COLQ: variants seen among roughly 807,000 people sequenced by gnomAD.
The protein encoded by COLQ is collagen like tail subunit of asymmetric acetylcholinesterase.
A neutral mutation model predicts 69.0 loss-of-function variants in COLQ; 48 were observed. The ratio of observed to expected loss-of-function variants is 0.70; its 90% CI spans 0.55 to 0.88. The LOEUF is 0.88. Ranked by LOEUF, COLQ falls within the 40% of genes least tolerant of loss-of-function variation. The pLI is 0.00. For synonymous variants in COLQ, 217 were observed against 211.2 expected (o/e 1.03, Z -0.24); for missense variants, 618 against 594.6 (o/e 1.04, Z -0.41).
rs528079054 is a variant in COLQ at position 15,464,951 on chromosome 3, G to A, written c.814+1390C>T. On this transcript the variant is annotated intron_variant, in intron 12 of 16. Transcript: ENST00000383788. The stretch of plus-strand genomic sequence containing the variant: ...AGCACTTTGGGAGGCCGAGGTGGGC[G>A]GATCACGAGGTCCGGAGTTCCAGAC... Among the ~76,000 whole-genome samples, 142 of 152,268 alleles carry A rather than the reference G, an allele frequency of 9.3e-4. 1 individual carries two copies. Among genetic ancestry groups the A allele is most frequent in the African/African-American group, 3.2e-3 (132 of 41,558 alleles).
Position 15,455,889 on chromosome 3 carries a change from C to T in COLQ, c.1195+10G>A, listed in dbSNP as rs2062017438. On this transcript the variant is annotated intron_variant, in intron 15 of 16. Coordinates refer to ENST00000383788, the MANE Select transcript of COLQ (RefSeq NM_005677.4). ...AGGCCTCAGGTCCTCCTGGTCTGGG[C>T]CTCACTCACGGATGCAGTCGTCACC... 2 of 1,613,858 alleles carry T rather than the reference C, an allele frequency of 1.2e-6. No homozygotes were observed. The highest frequency in any genetic ancestry group is 1.7e-5 in the Admixed American group (1 of 59,998).
At chr3:15,472,843 C>T (rs1409529251) in intron 10 of COLQ, among the ~76,000 whole-genome samples, 1 of 151,684 alleles carries the variant, frequency 6.6e-6, no homozygotes, top group African/African-American at 2.4e-5. Context: ...TCTTTCTTCA[C>T]TTCTTTCTTC....
In COLQ at chr3:15,510,414, G is replaced by T. The variant is rs567253262; in HGVS notation, c.106+11106C>A. Among the ~76,000 whole-genome samples the T allele has an allele frequency of 2.6e-5, 4 of 151,844 alleles. No individual in the cohort carries two copies. In the East Asian group the frequency reaches 7.9e-4, roughly 30 times the overall value. On this transcript the variant is annotated intron_variant, in intron 1 of 16. Coordinates refer to ENST00000383788, the MANE Select transcript of COLQ (RefSeq NM_005677.4). ...ACAGATGTGGAAACTGAAATATTAAGAAATTAAACCGTGGCTGAGCATAGT... is the reference window on the plus strand; with the variant it reads ...ACAGATGTGGAAACTGAAATATTAATAAATTAAACCGTGGCTGAGCATAGT...
At chr3:15,498,631 G>A (rs988007019) in intron 1 of COLQ, 33 of 1,551,332 alleles carry the variant, frequency 2.1e-5, no homozygotes, top group Non-Finnish European at 2.5e-5. Flanking sequence ...AACACTAGCC[G>A]GAGACAGGCT....
At chr3:15,460,229 C>A (rs1382104177) in intron 12 of COLQ, among the ~76,000 whole-genome samples, 1 of 152,154 alleles carries the variant, frequency 6.6e-6, no homozygotes, top group Non-Finnish European at 1.5e-5. Context: ...AGGGCTTACA[C>A]AAAGTAGGGG....
intron 1 of COLQ, among the ~76,000 whole-genome samples, chr3:15,513,763 G>A (rs2124493): frequency 0.13 from 19,844 of 152,168 alleles, 1,419 homozygotes; most frequent in East Asian, 0.18. Context: ...CAAAACACTC[G>A]TGGGTCTGTT....
chr3:15,492,108 A>G (rs935034251), intron 1 of COLQ, among the ~76,000 whole-genome samples: 1 of 152,186 alleles, frequency 6.6e-6, no homozygotes, highest in Non-Finnish European at 1.5e-5. Flanking sequence ...CATTTTGATT[A>G]TAAGTGGTCA....
intron 1 of COLQ, among the ~76,000 whole-genome samples, chr3:15,512,298 T>C (rs1016155802): frequency 1.3e-5 from 2 of 152,120 alleles, no homozygotes; most frequent in Non-Finnish European, 2.9e-5. Flanking sequence ...GTGCAAAGCC[T>C]GTAGCAGCCA....
intron 1 of COLQ, among the ~76,000 whole-genome samples, chr3:15,506,005 G>T (rs2062906474): frequency 6.6e-6 from 1 of 152,206 alleles, no homozygotes; most frequent in African/African-American, 2.4e-5. Context: ...GAGGGAGGCT[G>T]GGTTCCTGGG....
At chr3:15,513,495 A>C (rs2063016059) in intron 1 of COLQ, among the ~76,000 whole-genome samples, 1 of 152,108 alleles carries the variant, frequency 6.6e-6, no homozygotes. Flanking sequence ...TTGATGGATA[A>C]ATATCCCAGT....
chr3:15,456,352 A>T, intron 14 of COLQ, 108 bp downstream of exon 14: 3 of 1,463,870 alleles, frequency 2.0e-6, no homozygotes, highest in Non-Finnish European at 2.8e-6. Flanking sequence ...ATGCAGACAG[A>T]CTGTAGAAAG....
At chr3:15,498,625 C>T in intron 1 of COLQ, 2 of 1,551,550 alleles carry the variant, frequency 1.3e-6, no homozygotes, top group Non-Finnish European at 1.7e-6. Context: ...CCAGGGAACA[C>T]TAGCCGGAGA....
intron 3 of COLQ, among the ~76,000 whole-genome samples, chr3:15,479,802 CAAGTT>C (rs2062447405): frequency 6.6e-6 from 1 of 152,300 alleles, no homozygotes; most frequent in South Asian, 2.1e-4. Context: ...TGACAAGAGA[CAAGTT>C]AAGTTTTGCA....
At chr3:15,499,016 G>A in intron 1 of COLQ, 1 of 998,350 alleles carries the variant, frequency 1.0e-6, no homozygotes, top group Non-Finnish European at 1.2e-6. Flanking sequence ...AAGCCTCAAA[G>A]TCAACCCCCC....
At position 15,450,326 on chromosome 3, in the gene COLQ, C is replaced by T. The variant is rs1381830676; in HGVS notation, c.*1318G>A. 6.5e-6 allele frequency: 1 copy of T among 153,786 alleles called. No individual in the cohort carries two copies. Among genetic ancestry groups the T allele is most frequent in the African/African-American group, 2.4e-5 (1 of 41,426 alleles). The allele number at this position is 153,786 out of a possible 1,614,324, so 9.5% of individuals were successfully genotyped here. On this transcript the variant is annotated 3_prime_UTR_variant, in exon 17 of 17. Coordinates refer to ENST00000383788, the MANE Select transcript of COLQ (RefSeq NM_005677.4). ...GTGGGAGACCGGGTCCACCTACAGA[C>T]ACCAGGTGATGGTCCACCAGGCCCC...
chr3:15,515,325 C>T (rs921346848), intron 1 of COLQ, among the ~76,000 whole-genome samples: 7 of 152,174 alleles, frequency 4.6e-5, no homozygotes, highest in Non-Finnish European at 1.0e-4. Flanking sequence ...ATGAAATGAG[C>T]TCTTCACCAT....
intron 1 of COLQ, among the ~76,000 whole-genome samples, chr3:15,511,287 C>T (rs1182995418): frequency 6.6e-6 from 1 of 152,186 alleles, no homozygotes; most frequent in Non-Finnish European, 1.5e-5. Flanking sequence ...GGCAAATGGC[C>T]AACCCCCTGC....
intron 1 of COLQ, among the ~76,000 whole-genome samples, chr3:15,499,325 G>A (rs1280038268): frequency 6.6e-6 from 1 of 152,176 alleles, no homozygotes; most frequent in East Asian, 1.9e-4. Context: ...TAAAAGACAA[G>A]ATTATTATTA....
intron 1 of COLQ, among the ~76,000 whole-genome samples, chr3:15,518,570 A>G (rs1381718078): frequency 9.2e-5 from 14 of 152,348 alleles, no homozygotes; most frequent in African/African-American, 3.4e-4. Context: ...TCTGGGACCC[A>G]GCAGAGGAGG....
Sources: gnomAD v4.1 joint callset for allele counts (sites outside exome capture counted in the v4.1 genomes callset) on GRCh38, gnomAD v4.1.1 for gene constraint, MANE v1.5 for transcripts, NCBI Gene and HGNC (gene_info 2026-07-23, HGNC 2026-07-21) for gene names.